CP: variants seen among roughly 807,000 people sequenced by gnomAD.
CP encodes ceruloplasmin.
Under a neutral mutation model 122.4 loss-of-function variants are expected in CP, and 64 were observed. That is an observed-to-expected ratio of 0.52 (90% CI 0.43 to 0.64). CP has a LOEUF of 0.64. Ranked by LOEUF, CP falls within the 30% of genes least tolerant of loss-of-function variation. CP has a pLI of 0.00. For synonymous variants in CP, 440 were observed against 436.4 expected, an observed-to-expected ratio of 1.01 and a Z score of -0.10; for missense variants, 1,167 against 1,284.4, an observed-to-expected ratio of 0.91 and a Z score of 1.40.
chr3:149,163,844 A>G, intron 5 of CP: 1 of 1,489,348 alleles, frequency 6.7e-7, no homozygotes, highest in Non-Finnish European at 9.4e-7. Context: ...TGTTTTAGAT[A>G]AATGCCTGTA....
In CP at chr3:149,178,482, T is replaced by C. The variant is rs754196400; in HGVS notation, c.2811A>G (p.Thr937=). ...ESWYLDDNIK[T]YSDHPEKVNK... ...TTACTTTCTCGGGGTGATCAGAGTA[T>C]GTTTTGATGTTGTCATCTAAGTACC... Residue 937 remains threonine (T), a synonymous_variant, in exon 16 of 19, where the codon ACA becomes ACG. Coordinates refer to ENST00000264613, the MANE Select transcript of CP (RefSeq NM_000096.4). The C allele has an allele frequency of 4.3e-6, 7 of 1,613,746 alleles. No homozygotes were observed. The Admixed American group carries it at 5.0e-5, about 12-fold the overall frequency.
Position 149,181,985 on chromosome 3 carries a change from A to ACCCCCCCCCCCCCCCCCCCCCT in CP, c.2554+19_2554+20insAGGGGGGGGGGGGGGGGGGGGG. 2.5e-6 allele frequency: 1 copy of ACCCCCCCCCCCCCCCCCCCCCT among 402,782 alleles called. No individual in the cohort carries two copies. The highest frequency in any genetic ancestry group is 4.6e-6 in the Non-Finnish European group (1 of 217,524). 25.0% of individuals were successfully genotyped at this position (402,782 alleles called of 1,614,324 possible). On this transcript the variant is annotated intron_variant, in intron 14 of 18. Transcript: ENST00000264613. ...CAGCCTGTTAAAATGCACCACCCCC[A>ACCCCCCCCCCCCCCCCCCCCCT]CCCCCGCCCCCGTGAGTACCTGGTA...
At chr3:149,204,841 TG>T (rs1727595073) in intron 6 of CP, among the ~76,000 whole-genome samples, 1 of 152,112 alleles carries the variant, frequency 6.6e-6, no homozygotes, top group African/African-American at 2.4e-5. Flanking sequence ...AAAGAATGAC[TG>T]GGAGGCTGTG....
chr3:149,190,688 G>GA (rs1235829524), intron 9 of CP, among the ~76,000 whole-genome samples: 1 of 150,594 alleles, frequency 6.6e-6, no homozygotes, highest in Admixed American at 6.6e-5. Context: ...AGGAGGGGGG[G>GA]AACCCCATAA....
chr3:149,212,322 A>T, intron 2 of CP, 129 bp downstream of exon 2: 9 of 1,007,274 alleles, frequency 8.9e-6, no homozygotes, highest in Non-Finnish European at 1.3e-5. Context: ...AAAAAAATAA[A>T]AAAAAAATAG....
rs36027953 is a variant in CP at position 149,176,570 on chromosome 3, T to G, written c.3019-158A>C. The G allele has an allele frequency of 0.036, 23,044 of 634,068 alleles. 591 individuals are homozygous for G. The highest frequency in any genetic ancestry group is 0.061 in the Middle Eastern group (142 of 2,336). The allele number at this position is 634,068 out of a possible 1,614,324, so 39.3% of individuals were successfully genotyped here. On this transcript the variant is annotated intron_variant, in intron 17 of 18. Transcript: ENST00000264613. The stretch of plus-strand genomic sequence containing the variant: ...GTTTAATACAAATGGTAAAATGTGG[T>G]TTTTGTATTCCTAATAAGTCTTTGG...
Position 149,173,473 on chromosome 3 carries a change from T to C in CP, c.*241A>G. 2.8e-6 allele frequency: 1 copy of C among 357,874 alleles called. No individual in the cohort carries two copies. Among genetic ancestry groups the C allele is most frequent in the East Asian group, 5.0e-5 (1 of 20,024 alleles). The allele number at this position is 357,874 out of a possible 1,614,324, so 22.2% of individuals were successfully genotyped here. ...TAACAGCGGTGATATCATTAGACTG[T>C]ATGAATCAGTTTTATTACCTAGTGT... On this transcript the variant is annotated 3_prime_UTR_variant, in exon 19 of 19. Transcript: ENST00000264613.
At chr3:149,206,834 G>T (rs890365522) in intron 5 of CP, among the ~76,000 whole-genome samples, 2 of 152,144 alleles carry the variant, frequency 1.3e-5, no homozygotes, top group Non-Finnish European at 2.9e-5. Context: ...ATATTTGCAC[G>T]TCAAAGTAAA....
At chr3:149,167,011 A>G (rs779656738) in intron 4 of CP, 1 of 1,580,430 alleles carries the variant, frequency 6.3e-7, no homozygotes, top group South Asian at 1.1e-5. Context: ...TCATTTCATA[A>G]CATTTCACTT....
intron 3 of CP, 73 bp downstream of exon 3, chr3:149,210,094 T>A: frequency 6.8e-7 from 1 of 1,469,216 alleles, no homozygotes; most frequent in Non-Finnish European, 9.5e-7. Context: ...AAGACTTGAT[T>A]TCTTTTTAAA....
downstream of CP, chr3:149,172,082 C>G: frequency 6.2e-7 from 1 of 1,611,410 alleles, no homozygotes; most frequent in Non-Finnish European, 8.5e-7. Context: ...TTCAGATATT[C>G]TTTTCTACAC....
At chr3:149,182,709 C>T (rs946501517) in intron 13 of CP, among the ~76,000 whole-genome samples, 4 of 152,088 alleles carry the variant, frequency 2.6e-5, no homozygotes, top group Non-Finnish European at 4.4e-5. Context: ...CTGCTTTGTG[C>T]GTGGTATCAT....
chr3:149,176,228 G>T (rs1273771709), intron 18 of CP, 22 bp downstream of exon 18: 2 of 1,608,536 alleles, frequency 1.2e-6, no homozygotes. Flanking sequence ...ATGGCTTCTA[G>T]AATTACTACC....
intron 6 of CP, among the ~76,000 whole-genome samples, chr3:149,203,870 G>A (rs1421534590): frequency 2.0e-5 from 3 of 152,094 alleles, no homozygotes; most frequent in South Asian, 4.1e-4. Context: ...ATAAGCACAG[G>A]GTATTATGGA....
rs60917262 is a variant in CP at position 149,210,106 on chromosome 3, G to A, written c.607+61C>T. The A allele has an allele frequency of 3.9e-4, 602 of 1,539,918 alleles. 5 individuals are homozygous for A. In the East Asian group the frequency reaches 0.012, roughly 30 times the overall value. ...CAGAAGACTTGATTTCTTTTTAAAA[G>A]ACAAACTGCCCTGCCCCTGTCTTTT... is the stretch of plus-strand genomic sequence containing the variant. On this transcript the variant is annotated intron_variant, in intron 3 of 18. Transcript: ENST00000264613.
At chr3:149,218,362 C>T (rs1330964515) in intron 1 of CP, among the ~76,000 whole-genome samples, 8 of 152,258 alleles carry the variant, frequency 5.3e-5, no homozygotes, top group Non-Finnish European at 1.5e-5. Flanking sequence ...TAACTACTTA[C>T]TGATGTGTTG....
chr3:149,219,850 G>A (rs1022367277), intron 1 of CP, among the ~76,000 whole-genome samples: 4 of 150,062 alleles, frequency 2.7e-5, no homozygotes, highest in Non-Finnish European at 5.9e-5. Flanking sequence ...AGACTTGGAG[G>A]GCTCAGATGA....
At chr3:149,184,776 C>G (rs1044474502) in intron 12 of CP, among the ~76,000 whole-genome samples, 7 of 152,154 alleles carry the variant, frequency 4.6e-5, no homozygotes, top group African/African-American at 1.4e-4. Flanking sequence ...GAGACTATAT[C>G]TATCATCTTC....
chr3:149,166,895 C>T (rs1036248816), intron 4 of CP: 19 of 704,280 alleles, frequency 2.7e-5, no homozygotes, highest in African/African-American at 5.3e-5. Context: ...ATAAGGACCA[C>T]GTGCATGTGC....
Sources: gnomAD v4.1 joint callset for allele counts (sites outside exome capture counted in the v4.1 genomes callset) on GRCh38, gnomAD v4.1.1 for gene constraint, MANE v1.5 for transcripts, NCBI Gene and HGNC (gene_info 2026-07-23, HGNC 2026-07-21) for gene names.